BMPR1B: variants seen among roughly 807,000 people sequenced by gnomAD.
BMPR1B encodes the protein bone morphogenetic protein receptor type-1B.
In BMPR1B, 12 loss-of-function variants were observed where a neutral mutation model predicts 59.1. The ratio of observed to expected loss-of-function variants is 0.20; its 90% confidence interval spans 0.13 to 0.33. BMPR1B has a LOEUF of 0.33. Ranked by LOEUF, BMPR1B falls within the 10% of genes least tolerant of loss-of-function variation. The probability of loss-of-function intolerance (pLI) is 1.00; values close to 1 mark genes in which losing one functional copy is unlikely to be tolerated. For missense variants in BMPR1B, 550 were observed against 610.9 expected, an observed-to-expected ratio of 0.90 and a Z score of 1.05; for synonymous variants, 237 against 207.3, an observed-to-expected ratio of 1.14 and a Z score of -1.23.
chr4:95,073,143 C>T lies in BMPR1B; in HGVS notation c.-17-31265C>T, dbSNP rs147564597. On this transcript the variant is annotated intron_variant, in intron 3 of 12. Transcript: ENST00000515059. ...TGCTAGAAATAGCAAACATAGTTTT[C>T]CCTCTTTTACAGATTTCTTTTTCAG... Among the ~76,000 whole-genome samples the T allele has an allele frequency of 4.3e-3, 661 of 152,252 alleles. 2 individuals are homozygous for T. The highest frequency in any genetic ancestry group is 6.5e-3 in the Non-Finnish European group (443 of 68,008).
In BMPR1B at chr4:95,052,610, T is replaced by C. The variant is rs552788464; in HGVS notation, c.-17-51798T>C. Among the ~76,000 whole-genome samples, 3 of 152,258 alleles carry C rather than the reference T, an allele frequency of 2.0e-5. No individual in the cohort carries two copies. In the South Asian group the frequency reaches 6.2e-4, roughly 32 times the overall value. On this transcript the variant is annotated intron_variant, in intron 3 of 12. Transcript: ENST00000515059. ...ATGCATATTATAGAACTAACTTGGC[T>C]GTACTGTTTATCAGAAGAGTGTGTA... is the stretch of plus-strand genomic sequence containing the variant.
chr4:94,937,945 G>C (rs779932968), intron 2 of BMPR1B, among the ~76,000 whole-genome samples: 4 of 152,198 alleles, frequency 2.6e-5, no homozygotes, highest in South Asian at 2.1e-4. Flanking sequence ...CTTATTTTCA[G>C]TAAATCCTAG....
At chr4:94,925,436 T>C (rs1728847193) in intron 2 of BMPR1B, among the ~76,000 whole-genome samples, 1 of 152,176 alleles carries the variant, frequency 6.6e-6, no homozygotes, top group East Asian at 1.9e-4. Flanking sequence ...TAGTCTGTTT[T>C]GATATAAGTC....
At chr4:94,770,182 G>T (rs3067227) in intron 1 of BMPR1B, among the ~76,000 whole-genome samples, 4,528 of 38,654 alleles carry the variant, frequency 0.12, 399 homozygotes, top group African/African-American at 0.28. Flanking sequence ...TCGTTTCTGT[G>T]TTTGTTTTTT....
chr4:94,776,633 T>C (rs973717755), intron 1 of BMPR1B, among the ~76,000 whole-genome samples: 1 of 152,210 alleles, frequency 6.6e-6, no homozygotes, highest in African/African-American at 2.4e-5. Context: ...TTTAATGCTG[T>C]CTAGAGAACA....
At chr4:94,874,896 G>A (rs186908342) in intron 1 of BMPR1B, among the ~76,000 whole-genome samples, 1 of 152,302 alleles carries the variant, frequency 6.6e-6, no homozygotes, top group Admixed American at 6.5e-5. Flanking sequence ...TGGAGGCTGA[G>A]GCAGGAGAAT....
At chr4:94,875,786 C>T (rs1419214204) in intron 1 of BMPR1B, 45 bp from the exon 2 acceptor site, 1 of 152,652 alleles carries the variant, frequency 6.6e-6, no homozygotes, top group South Asian at 2.1e-4. Context: ...ATAAACCTTT[C>T]TCAAGCCACA....
chr4:95,136,641 G>C (rs1271096190), intron 10 of BMPR1B, among the ~76,000 whole-genome samples: 1 of 152,124 alleles, frequency 6.6e-6, no homozygotes. Flanking sequence ...AGTCTTGGGA[G>C]GGTGTATGTG....
chr4:94,902,086 T>TGTGTGTGTGG (rs1411154828), intron 2 of BMPR1B, among the ~76,000 whole-genome samples: 9 of 111,984 alleles, frequency 8.0e-5, no homozygotes, highest in Non-Finnish European at 1.1e-4. Context: ...TGTGTGTGTG[T>TGTGTGTGTGG]GGGGTGTATT....
At chr4:95,067,288 C>T (rs1472232031) in intron 3 of BMPR1B, among the ~76,000 whole-genome samples, 1 of 152,182 alleles carries the variant, frequency 6.6e-6, no homozygotes, top group African/African-American at 2.4e-5. Context: ...CCCCAGGTCA[C>T]TTTACTGTGT....
intron 1 of BMPR1B, among the ~76,000 whole-genome samples, chr4:94,783,965 C>T (rs1040573695): frequency 5.3e-5 from 8 of 152,202 alleles, no homozygotes; most frequent in East Asian, 1.9e-4. Context: ...TCTCTCATAT[C>T]GAGCTGGAGG....
At position 95,106,201 on chromosome 4, in the gene BMPR1B, CTG is replaced by C. The variant is rs145826017; in HGVS notation, c.143+1637_143+1638del. ...GGAGCTGAGACAGGAGGTATAGTGA[CTG>C]TGACCTGGTGGGCTATATTAAGAAC... On this transcript the variant is annotated intron_variant, in intron 4 of 12. Transcript: ENST00000515059. Among the ~76,000 whole-genome samples, 666 of 152,056 alleles carry C rather than the reference CTG, an allele frequency of 4.4e-3. 18 individuals carry two copies. Among genetic ancestry groups the C allele is most frequent in the East Asian group, 0.038 (195 of 5,166 alleles).
intron 1 of BMPR1B, among the ~76,000 whole-genome samples, chr4:94,874,125 ATATATATATGTGTG>A (rs1485446185): frequency 1.3e-5 from 2 of 152,056 alleles, no homozygotes; most frequent in African/African-American, 2.4e-5. Context: ...TAAATATTTT[ATATATATATGTGTG>A]TATATATATG....
At chr4:94,962,292 C>T (rs1730400484) in intron 2 of BMPR1B, among the ~76,000 whole-genome samples, 1 of 152,056 alleles carries the variant, frequency 6.6e-6, no homozygotes, top group African/African-American at 2.4e-5. Context: ...CGTGTGCCAC[C>T]ATGCTCAGCT....
At chr4:94,953,145 T>C (rs1730011542) in intron 2 of BMPR1B, among the ~76,000 whole-genome samples, 1 of 152,150 alleles carries the variant, frequency 6.6e-6, no homozygotes, top group South Asian at 2.1e-4. Context: ...ATTTTGAGCC[T>C]ATGTGTGTCT....
chr4:94,907,300 A>G (rs1011564840), intron 2 of BMPR1B, among the ~76,000 whole-genome samples: 1 of 152,070 alleles, frequency 6.6e-6, no homozygotes, highest in Non-Finnish European at 1.5e-5. Flanking sequence ...AGAGAAAGGC[A>G]TCTTTTTGTT....
At chr4:94,880,882 C>T (rs1375735935) in intron 2 of BMPR1B, among the ~76,000 whole-genome samples, 1 of 152,034 alleles carries the variant, frequency 6.6e-6, no homozygotes, top group Non-Finnish European at 1.5e-5. Context: ...GTGATTGGCC[C>T]TCCTTGGCCT....
intron 1 of BMPR1B, among the ~76,000 whole-genome samples, chr4:94,844,470 A>T (rs1385894239): frequency 6.6e-6 from 1 of 152,170 alleles, no homozygotes; most frequent in Non-Finnish European, 1.5e-5. Context: ...CAAGTGAATG[A>T]CTTACCTCTG....
At chr4:94,915,196 A>G (rs1425607402) in intron 2 of BMPR1B, among the ~76,000 whole-genome samples, 2 of 152,214 alleles carry the variant, frequency 1.3e-5, no homozygotes, top group African/African-American at 4.8e-5. Context: ...TGAAATCTTT[A>G]AAGCTGAATA....
Sources: gnomAD v4.1 joint callset for allele counts (sites outside exome capture counted in the v4.1 genomes callset) on GRCh38, gnomAD v4.1.1 for gene constraint, MANE v1.5 for transcripts, NCBI Gene and HGNC (gene_info 2026-07-23, HGNC 2026-07-21) for gene names.